DENND1A: variants seen among roughly 807,000 people sequenced by gnomAD.
DENND1A encodes the protein DENN domain-containing protein 1A.
DENND1A carries 51 observed loss-of-function variants against 113.7 expected under a neutral mutation model. The observed-to-expected ratio is 0.45, with a 90% CI of 0.36 to 0.57. The LOEUF is 0.57. DENND1A is among the 20% of genes least tolerant of loss of function. The pLI is 0.00. For missense variants in DENND1A, 1,258 were observed against 1,395.9 expected (o/e 0.90, Z 1.57); for synonymous variants, 565 against 570.8 (o/e 0.99, Z 0.14).
rs1053266195 is a variant in DENND1A at position 123,855,028 on chromosome 9, C to A, written c.88+23923G>T. Among the ~76,000 whole-genome samples, 7 of 151,224 alleles carry A rather than the reference C, an allele frequency of 4.6e-5. 1 individual carries two copies. The highest frequency in any genetic ancestry group is 1.2e-4 in the African/African-American group (5 of 40,536). On this transcript the variant is annotated intron_variant, in intron 2 of 23. Transcript: ENST00000394215. Reference sequence around the variant, plus strand: ...GTAAATGTAACCATAGGTAAAACTCCACTCTAAAAAACACAATTATAATGT... The same window carrying A: ...GTAAATGTAACCATAGGTAAAACTCAACTCTAAAAAACACAATTATAATGT...
chr9:123,735,045 T>C (rs1184840022), intron 5 of DENND1A, among the ~76,000 whole-genome samples: 1 of 152,126 alleles, frequency 6.6e-6, no homozygotes, highest in Non-Finnish European at 1.5e-5. Context: ...GAGATGTTGC[T>C]GGGAAAAGAG....
chr9:123,578,573 G>T (rs949815078), intron 12 of DENND1A, among the ~76,000 whole-genome samples: 2 of 152,136 alleles, frequency 1.3e-5, no homozygotes, highest in African/African-American at 4.8e-5. Flanking sequence ...AGTTTCCAGC[G>T]TAGATGCCAT....
intron 2 of DENND1A, among the ~76,000 whole-genome samples, chr9:123,811,109 G>A (rs530885963): frequency 6.6e-6 from 1 of 152,208 alleles, no homozygotes; most frequent in South Asian, 2.1e-4. Context: ...ACTAGACCCT[G>A]TTATGCATTC....
chr9:123,403,655 A>C (rs2043692280), intron 20 of DENND1A, 165 bp from the exon 21 acceptor site: 2 of 630,940 alleles, frequency 3.2e-6, no homozygotes, highest in Admixed American at 2.4e-5. Flanking sequence ...ACCATCTAAT[A>C]GGCAGCAGAC....
At chr9:123,450,636 T>A in intron 18 of DENND1A, 57 bp downstream of exon 18, 2 of 1,441,660 alleles carry the variant, frequency 1.4e-6, no homozygotes, top group Middle Eastern at 1.8e-4. Flanking sequence ...CATACTTTTT[T>A]GTGGCCATGC....
At chr9:123,750,462 G>A (rs2069915661) in intron 5 of DENND1A, among the ~76,000 whole-genome samples, 2 of 152,160 alleles carry the variant, frequency 1.3e-5, no homozygotes, top group African/African-American at 4.8e-5. Flanking sequence ...AACTCAGAAG[G>A]GCCCTGGGCC....
At chr9:123,691,539 GA>G (rs1339861553) in intron 5 of DENND1A, among the ~76,000 whole-genome samples, 26 of 146,654 alleles carry the variant, frequency 1.8e-4, no homozygotes, top group Non-Finnish European at 3.1e-4. Context: ...CTCTTTGTGT[GA>G]TTTTTTTTTT....
chr9:123,713,561 A>G (rs922728536), intron 5 of DENND1A, among the ~76,000 whole-genome samples: 2 of 152,222 alleles, frequency 1.3e-5, no homozygotes, highest in Admixed American at 1.3e-4. Flanking sequence ...AACTGCTCAT[A>G]GGAGTGGGAC....
At chr9:123,480,340 A>C (rs1169350749) in intron 13 of DENND1A, among the ~76,000 whole-genome samples, 1 of 152,120 alleles carries the variant, frequency 6.6e-6, no homozygotes, top group South Asian at 2.1e-4. Flanking sequence ...GAGAGGCTTC[A>C]AGGCTCTTCT....
At chr9:123,455,359 G>A (rs2048038706) in intron 15 of DENND1A, among the ~76,000 whole-genome samples, 1 of 152,234 alleles carries the variant, frequency 6.6e-6, no homozygotes, top group Non-Finnish European at 1.5e-5. Context: ...ATCCTGTGCT[G>A]CTGTGATGCT....
chr9:123,403,587 A>C, intron 20 of DENND1A, 97 bp from the exon 21 acceptor site: 2 of 1,127,574 alleles, frequency 1.8e-6, no homozygotes, highest in Non-Finnish European at 1.3e-6. Flanking sequence ...CCCCCAAAAA[A>C]CGTTTAGGGA....
intron 13 of DENND1A, among the ~76,000 whole-genome samples, chr9:123,512,063 A>G (rs576600521): frequency 1.5e-3 from 228 of 152,326 alleles, no homozygotes; most frequent in African/African-American, 5.3e-3. Context: ...GGAAACTAAA[A>G]GCTCCAAACA....
At chr9:123,491,808 G>C (rs545694929) in intron 13 of DENND1A, 16 of 152,334 alleles carry the variant, frequency 1.1e-4, no homozygotes, top group Admixed American at 3.3e-4. Context: ...ACATCAACGT[G>C]TCCCAAACCA....
intron 5 of DENND1A, among the ~76,000 whole-genome samples, chr9:123,751,018 C>A (rs922936139): frequency 6.6e-6 from 1 of 150,524 alleles, no homozygotes; most frequent in African/African-American, 2.4e-5. Flanking sequence ...TTATTTTAAA[C>A]TAAAGCAGCT....
chr9:123,857,162 G>C (rs78237188), intron 2 of DENND1A, among the ~76,000 whole-genome samples: 1 of 151,746 alleles, frequency 6.6e-6, no homozygotes, highest in East Asian at 2.0e-4. Context: ...TTGGGAAAAT[G>C]GCAGATTTCA....
At chr9:123,698,406 C>T (rs1024238014) in intron 5 of DENND1A, among the ~76,000 whole-genome samples, 1 of 152,188 alleles carries the variant, frequency 6.6e-6, no homozygotes, top group African/African-American at 2.4e-5. Flanking sequence ...AGTAGTACTG[C>T]CCCCTTAGTG....
chr9:123,438,416 C>A (rs1346291348), intron 19 of DENND1A, among the ~76,000 whole-genome samples: 3 of 152,182 alleles, frequency 2.0e-5, no homozygotes, highest in Non-Finnish European at 4.4e-5. Context: ...AGACTGTAGA[C>A]CTTTCCAGAG....
intron 2 of DENND1A, among the ~76,000 whole-genome samples, chr9:123,847,314 T>C (rs1453141719): frequency 2.0e-5 from 3 of 151,552 alleles, no homozygotes; most frequent in African/African-American, 4.9e-5. Context: ...ATATGTGTAA[T>C]CAAAGCTCCA....
chr9:123,641,572 C>CT (rs1211398323), intron 9 of DENND1A, among the ~76,000 whole-genome samples: 1 of 152,066 alleles, frequency 6.6e-6, no homozygotes, highest in Non-Finnish European at 1.5e-5. Flanking sequence ...CTTTTCTAGA[C>CT]TAGCCAAGGC....
Sources: gnomAD v4.1 joint callset for allele counts (sites outside exome capture counted in the v4.1 genomes callset) on GRCh38, gnomAD v4.1.1 for gene constraint, MANE v1.5 for transcripts, NCBI Gene and HGNC (gene_info 2026-07-23, HGNC 2026-07-21) for gene names.